Variants in ACTR3B observed in about 807,000 individuals in gnomAD.
ACTR3B encodes the protein actin related protein 3B.
Under a neutral mutation model 59.0 loss-of-function variants are expected in ACTR3B, and 8 were observed. The observed-to-expected ratio is 0.14, with a 90% CI of 0.08 to 0.24. The LOEUF is 0.24. Ranked by LOEUF, ACTR3B falls within the 10% of genes least tolerant of loss-of-function variation. The probability of loss-of-function intolerance (pLI) is 1.00; values close to 1 mark genes in which losing one functional copy is unlikely to be tolerated. For missense variants in ACTR3B, 245 were observed against 552.3 expected (o/e 0.44, Z 5.58); for synonymous variants, 148 against 197.9 (o/e 0.75, Z 2.12).
chr7:152,842,815 T>C (rs376382270), intron 9 of ACTR3B, among the ~76,000 whole-genome samples: 1 of 152,212 alleles, frequency 6.6e-6, no homozygotes, highest in East Asian at 1.9e-4. Flanking sequence ...AGTTGCTTTG[T>C]TGTATGGTAA....
At chr7:152,805,547 G>A (rs1186311403) in intron 4 of ACTR3B, among the ~76,000 whole-genome samples, 1 of 152,130 alleles carries the variant, frequency 6.6e-6, no homozygotes, top group Non-Finnish European at 1.5e-5. Context: ...GGTAAAGTTA[G>A]TGCTCTGTGA....
chr7:152,833,936 G>A lies in ACTR3B; in HGVS notation c.951+8814G>A, dbSNP rs183789641. Among the ~76,000 whole-genome samples the A allele has an allele frequency of 2.6e-5, 4 of 152,240 alleles. No individual in the cohort carries two copies. In the East Asian group the frequency reaches 5.8e-4, roughly 22 times the overall value. ...ATATAGTGAACTGAATAAATAGACG[G>A]TGGCTGACCCCGGGTGGGAAGCAAG... On this transcript the variant is annotated intron_variant, in intron 9 of 11. Transcript: ENST00000256001.
At chr7:152,791,127 C>T (rs1590263726) in intron 2 of ACTR3B, among the ~76,000 whole-genome samples, 1 of 151,750 alleles carries the variant, frequency 6.6e-6, no homozygotes, top group Non-Finnish European at 1.5e-5. Flanking sequence ...AATTCTGCCT[C>T]AGCCTCCCAA....
intron 9 of ACTR3B, among the ~76,000 whole-genome samples, chr7:152,833,067 G>T (rs931292166): frequency 3.3e-5 from 5 of 152,216 alleles, no homozygotes; most frequent in African/African-American, 9.6e-5. Context: ...GCACTGAGAG[G>T]TCACACAGGA....
chr7:152,842,449 G>A (rs1422130280), intron 9 of ACTR3B, among the ~76,000 whole-genome samples: 1 of 152,200 alleles, frequency 6.6e-6, no homozygotes, highest in Non-Finnish European at 1.5e-5. Flanking sequence ...CCTACAAAGT[G>A]TTTATTTCTG....
chr7:152,795,539 T>C (rs2098213279), intron 2 of ACTR3B, among the ~76,000 whole-genome samples: 1 of 152,264 alleles, frequency 6.6e-6, no homozygotes, highest in Non-Finnish European at 1.5e-5. Flanking sequence ...TGAAAACTTT[T>C]CATTTGGAAA....
chr7:152,851,927 C>CACATTG (rs1798836653), intron 9 of ACTR3B, among the ~76,000 whole-genome samples, 199 bp from the exon 10 acceptor site: 1 of 152,002 alleles, frequency 6.6e-6, no homozygotes, highest in African/African-American at 2.4e-5. Context: ...AAGGAGCCAT[C>CACATTG]TGTGGCACAT....
intron 2 of ACTR3B, among the ~76,000 whole-genome samples, chr7:152,795,983 A>G (rs1384156619): frequency 6.6e-6 from 1 of 151,946 alleles, no homozygotes; most frequent in Non-Finnish European, 1.5e-5. Context: ...AGCTGGGATT[A>G]TAGGCGCCCG....
chr7:152,785,215 C>T (rs562971816), intron 2 of ACTR3B, among the ~76,000 whole-genome samples: 25 of 150,938 alleles, frequency 1.7e-4, no homozygotes, highest in East Asian at 3.9e-4. Context: ...AGACGGGAAG[C>T]GAAGACAGTT....
chr7:152,768,649 T>C (rs1320770225), intron 1 of ACTR3B, among the ~76,000 whole-genome samples: 1 of 151,972 alleles, frequency 6.6e-6, no homozygotes, highest in Non-Finnish European at 1.5e-5. Context: ...GCTAATTTTT[T>C]ATATTTAGTA....
Position 152,823,348 on chromosome 7 carries a change from T to C in ACTR3B, c.691T>C (p.Tyr231His), listed in dbSNP as rs778529860. ...LETAKAIKEK[Y>H]CYICPDIVKE... is the part of the protein sequence containing the mutation. Reference sequence around the variant, plus strand: ...TCTTTGTGTGTGTATGCAGGAGAAATACTGTTACATTTGCCCCGATATAGT... The same window carrying C: ...TCTTTGTGTGTGTATGCAGGAGAAACACTGTTACATTTGCCCCGATATAGT... The change falls in exon 8 of 12, where the codon TAC becomes CAC. Residue 231 changes from tyrosine to histidine, a missense_variant. Transcript: ENST00000256001. The C allele has an allele frequency of 2.5e-6, 4 of 1,614,026 alleles. No individual in the cohort carries two copies. The South Asian group carries it at 4.4e-5, about 18-fold the overall frequency.
At chr7:152,848,854 G>C (rs1032676974) in intron 9 of ACTR3B, among the ~76,000 whole-genome samples, 1 of 152,204 alleles carries the variant, frequency 6.6e-6, no homozygotes, top group African/African-American at 2.4e-5. Context: ...TGCAGCTGTG[G>C]TTGATGGTCC....
At chr7:152,834,027 C>T (rs1448562723) in intron 9 of ACTR3B, among the ~76,000 whole-genome samples, 1 of 151,782 alleles carries the variant, frequency 6.6e-6, no homozygotes, top group Non-Finnish European at 1.5e-5. Context: ...AACTTAGACT[C>T]TACAGATGAG....
chr7:152,801,848 A>G, intron 4 of ACTR3B, 117 bp downstream of exon 4: 2 of 544,986 alleles, frequency 3.7e-6, no homozygotes, highest in African/African-American at 1.9e-5. Flanking sequence ...ATGTGCATGA[A>G]TCAGGCTGCT....
In ACTR3B at chr7:152,827,515, A is replaced by T. The variant is rs117129179; in HGVS notation, c.951+2393A>T. ...CCAGAATATGTTATGATAAAAATTA[A>T]TCCAAAATCTCAGTGTTCAGCAGCA... On this transcript the variant is annotated intron_variant, in intron 9 of 11. Transcript: ENST00000256001. Among the ~76,000 whole-genome samples, 688 of 151,458 alleles carry T rather than the reference A, an allele frequency of 4.5e-3. 7 individuals carry two copies. Among genetic ancestry groups the T allele is most frequent in the Non-Finnish European group, 7.9e-3 (535 of 67,986 alleles).
intron 9 of ACTR3B, among the ~76,000 whole-genome samples, chr7:152,851,248 GTCTC>G (rs1262956966): frequency 6.6e-6 from 1 of 152,278 alleles, no homozygotes; most frequent in East Asian, 1.9e-4. Flanking sequence ...TATAAATGTG[GTCTC>G]TCTCTGTCTG....
intron 1 of ACTR3B, among the ~76,000 whole-genome samples, chr7:152,771,585 G>A (rs970018799): frequency 6.6e-6 from 1 of 152,160 alleles, no homozygotes; most frequent in African/African-American, 2.4e-5. Context: ...GAATCCAGAA[G>A]GCATCTACTG....
At chr7:152,848,076 T>G (rs1448952040) in intron 9 of ACTR3B, among the ~76,000 whole-genome samples, 1 of 152,066 alleles carries the variant, frequency 6.6e-6, no homozygotes, top group African/African-American at 2.4e-5. Context: ...CCTCTCAGAT[T>G]ATCCTTCAGA....
In ACTR3B at chr7:152,805,480, C is replaced by T. The variant is rs549024811; in HGVS notation, c.336+3749C>T. Among the ~76,000 whole-genome samples, 368 of 152,324 alleles carry T rather than the reference C, an allele frequency of 2.4e-3. 2 individuals carry two copies. Among genetic ancestry groups the T allele is most frequent in the African/African-American group, 8.3e-3 (347 of 41,570 alleles). ...CTCTGATTACTAAAAATAAAACGTACCATCCATGGTATTTTAGAGATGAAC... is the reference window on the plus strand; with the variant it reads ...CTCTGATTACTAAAAATAAAACGTATCATCCATGGTATTTTAGAGATGAAC... On this transcript the variant is annotated intron_variant, in intron 4 of 11. Transcript: ENST00000256001.
Sources: gnomAD v4.1 joint callset for allele counts (sites outside exome capture counted in the v4.1 genomes callset) on GRCh38, gnomAD v4.1.1 for gene constraint, MANE v1.5 for transcripts, NCBI Gene and HGNC (gene_info 2026-07-23, HGNC 2026-07-21) for gene names.